SCHIP1: variants seen among roughly 807,000 people sequenced by gnomAD.
The protein encoded by SCHIP1 is schwannomin interacting protein 1.
Under a neutral mutation model 29.7 loss-of-function variants are expected in SCHIP1, and 8 were observed. The observed-to-expected ratio is 0.27, with a 90% confidence interval of 0.16 to 0.49. The LOEUF is 0.49. Among genes scored for constraint, SCHIP1 ranks in the 20% least tolerant of loss-of-function variants. SCHIP1 has a pLI of 0.99. For missense variants in SCHIP1, 193 were observed against 294.6 expected (o/e 0.66, Z 2.52); for synonymous variants, 76 against 94.9 (o/e 0.80, Z 1.16).
the SCHIP1 span, among the ~76,000 whole-genome samples, chr3:159,443,261 G>C: frequency 0.18 from 27,965 of 152,104 alleles, 2,676 homozygotes; most frequent in African/African-American, 0.21. Context: ...TTCTGATCAG[G>C]TGTTCTATCT....
the SCHIP1 span, among the ~76,000 whole-genome samples, chr3:159,550,520 G>T: frequency 6.6e-6 from 1 of 151,898 alleles, no homozygotes; most frequent in Non-Finnish European, 1.5e-5. Flanking sequence ...CAGTATTGTC[G>T]AGTAGCCCAG....
chr3:159,381,103 G>T, the SCHIP1 span, among the ~76,000 whole-genome samples: 3 of 152,190 alleles, frequency 2.0e-5, no homozygotes, highest in Admixed American at 1.3e-4. Context: ...GTGCTCTTGT[G>T]TGAGGTGAAT....
chr3:159,713,164 A>G, the SCHIP1 span, among the ~76,000 whole-genome samples: 1 of 151,236 alleles, frequency 6.6e-6, no homozygotes, highest in Non-Finnish European at 1.5e-5. Context: ...AAAAAAAAAA[A>G]AGAAGAAAGA....
the SCHIP1 span, among the ~76,000 whole-genome samples, chr3:159,642,644 A>G: frequency 6.6e-6 from 1 of 152,158 alleles, no homozygotes; most frequent in Admixed American, 6.6e-5. Context: ...ACTCTAAGGC[A>G]TAGGCAAAAA....
At chr3:159,633,756 G>A in the SCHIP1 span, among the ~76,000 whole-genome samples, 19 of 152,180 alleles carry the variant, frequency 1.2e-4, no homozygotes, top group African/African-American at 4.6e-4. Context: ...AGTACATTGA[G>A]AATTCATTTT....
the SCHIP1 span, among the ~76,000 whole-genome samples, chr3:159,634,943 C>T: frequency 6.6e-6 from 1 of 152,124 alleles, no homozygotes; most frequent in Non-Finnish European, 1.5e-5. Context: ...ACTAAACTTC[C>T]ATGCCTGTGT....
the SCHIP1 span, among the ~76,000 whole-genome samples, chr3:159,426,659 A>G: frequency 6.6e-6 from 1 of 152,230 alleles, no homozygotes; most frequent in Admixed American, 6.5e-5. Context: ...ATAGAAAAAG[A>G]GGGAATCCTC....
At chr3:159,436,777 T>C in the SCHIP1 span, among the ~76,000 whole-genome samples, 1 of 152,096 alleles carries the variant, frequency 6.6e-6, no homozygotes, top group Admixed American at 6.6e-5. Flanking sequence ...TCAGGTACAA[T>C]TGAGCTTTAG....
chr3:159,417,143 C>T, the SCHIP1 span, among the ~76,000 whole-genome samples: 1 of 152,208 alleles, frequency 6.6e-6, no homozygotes, highest in African/African-American at 2.4e-5. Flanking sequence ...GTTCACTTCA[C>T]TTGGCAGAAT....
chr3:159,327,526 G>C, the SCHIP1 span, among the ~76,000 whole-genome samples: 1 of 152,210 alleles, frequency 6.6e-6, no homozygotes, highest in African/African-American at 2.4e-5. Context: ...TAATTAAAGA[G>C]TCCTAGTAAT....
chr3:159,296,369 GATATAC>G, the SCHIP1 span, among the ~76,000 whole-genome samples: 1 of 152,074 alleles, frequency 6.6e-6, no homozygotes, highest in African/African-American at 2.4e-5. Context: ...ATGGTGATTT[GATATAC>G]ATATATATTG....
At chr3:159,716,084 A>G in the SCHIP1 span, among the ~76,000 whole-genome samples, 3 of 151,712 alleles carry the variant, frequency 2.0e-5, no homozygotes, top group African/African-American at 4.8e-5. Flanking sequence ...GAAGAGAGTG[A>G]GGGCCAATAT....
At chr3:159,677,219 A>G in the SCHIP1 span, among the ~76,000 whole-genome samples, 13 of 152,206 alleles carry the variant, frequency 8.5e-5, no homozygotes, top group African/African-American at 3.1e-4. Context: ...TTGCAAGCCT[A>G]CAACCCTGAC....
the SCHIP1 span, chr3:159,765,184 C>T: frequency 2.7e-6 from 4 of 1,499,194 alleles, no homozygotes; most frequent in East Asian, 5.3e-5. Flanking sequence ...CACGCGTACA[C>T]ACCCCGCGCA....
chr3:159,427,184 T>C, the SCHIP1 span, among the ~76,000 whole-genome samples: 1 of 151,920 alleles, frequency 6.6e-6, no homozygotes, highest in East Asian at 1.9e-4. Flanking sequence ...AACATAGTGT[T>C]GGAAGTTCTG....
the SCHIP1 span, among the ~76,000 whole-genome samples, chr3:159,516,404 T>C: frequency 6.6e-6 from 1 of 152,184 alleles, no homozygotes; most frequent in Non-Finnish European, 1.5e-5. Flanking sequence ...CTCCTCGCTC[T>C]GCCTCTCCAG....
chr3:159,838,344 G>A (rs1743871990), upstream of SCHIP1, among the ~76,000 whole-genome samples: 1 of 152,194 alleles, frequency 6.6e-6, no homozygotes, highest in African/African-American at 2.4e-5. Flanking sequence ...GTGCTTGATA[G>A]GAAAACTTGT....
chr3:159,447,789 T>C, the SCHIP1 span, among the ~76,000 whole-genome samples: 1,690 of 152,312 alleles, frequency 0.011, 31 homozygotes, highest in Non-Finnish European at 0.013. Context: ...ATTTCTTGTA[T>C]AAATGTGCAG....
chr3:159,883,232 A>G (rs1716624463), intron 2 of SCHIP1, among the ~76,000 whole-genome samples: 1 of 152,106 alleles, frequency 6.6e-6, no homozygotes, highest in Non-Finnish European at 1.5e-5. Context: ...TTATATCTCT[A>G]ATTAACAAGA....
Sources: gnomAD v4.1 joint callset for allele counts (sites outside exome capture counted in the v4.1 genomes callset) on GRCh38, gnomAD v4.1.1 for gene constraint, MANE v1.5 for transcripts, NCBI Gene and HGNC (gene_info 2026-07-23, HGNC 2026-07-21) for gene names.